Variants in FAT1 observed in about 807,000 individuals in gnomAD.
FAT1 encodes the protein protocadherin Fat 1.
Under a neutral mutation model 329.8 loss-of-function variants are expected in FAT1, and 171 were observed. The ratio of observed to expected loss-of-function variants is 0.52; its 90% CI spans 0.46 to 0.59. FAT1 has a LOEUF of 0.59. Ranked by LOEUF, FAT1 falls within the 20% of genes least tolerant of loss-of-function variation. The pLI, the probability that FAT1 is intolerant of heterozygous loss-of-function variation, is 0.00. For synonymous variants in FAT1, 2,233 were observed against 2,228.6 expected (o/e 1.00, Z -0.06); for missense variants, 5,672 against 5,774.4 (o/e 0.98, Z 0.57).
At chr4:186,661,697 T>G (rs1257886445) in intron 3 of FAT1, among the ~76,000 whole-genome samples, 1 of 152,170 alleles carries the variant, frequency 6.6e-6, no homozygotes. Context: ...GTTAAGTGTT[T>G]CCCTGGGTTC....
chr4:186,661,958 G>C (rs1742192295), intron 3 of FAT1, among the ~76,000 whole-genome samples: 1 of 152,108 alleles, frequency 6.6e-6, no homozygotes, highest in Non-Finnish European at 1.5e-5. Flanking sequence ...TGTCAGAATT[G>C]AATGAGAGGA....
chr4:186,607,181 C>A (rs552668653), intron 16 of FAT1, among the ~76,000 whole-genome samples: 1 of 152,200 alleles, frequency 6.6e-6, no homozygotes, highest in East Asian at 1.9e-4. Flanking sequence ...ATCTTAGATA[C>A]ACCCATTATT....
In FAT1 at chr4:186,589,042, TG is replaced by T. The variant is rs762526769; in HGVS notation, c.13316del (p.Pro4439GlnfsTer48). On this transcript the variant is annotated frameshift_variant, in exon 27 of 27. Coordinates refer to ENST00000441802, the MANE Select transcript of FAT1 (RefSeq NM_005245.4). LOFTEE classifies it high-confidence loss of function. ...YDIESDFPPPPEDFPAADELP... is the reference protein window; with the variant it reads ...YDIESDFPPPXEDFPAADELP... ...GCTCATCAGCTGCGGGGAAGTCTTC[TG>T]GGGGTGGAGGAAAATCACTTTCGAT... is the stretch of plus-strand genomic sequence containing the variant. The T allele has an allele frequency of 1.4e-5, 22 of 1,613,738 alleles. No individual in the cohort carries two copies. The highest frequency in any genetic ancestry group is 1.8e-5 in the Non-Finnish European group (21 of 1,179,882).
At chr4:186,610,707 AAATTTATAT>A (rs1553988087) in intron 14 of FAT1, among the ~76,000 whole-genome samples, 1 of 65,244 alleles carries the variant, frequency 1.5e-5, no homozygotes, top group Non-Finnish European at 2.7e-5. Context: ...ATATAAATAT[AAATTTATAT>A]AATTTATATA....
At position 186,603,337 on chromosome 4, in the gene FAT1, A is replaced by G; in HGVS notation, c.11189T>C (p.Ile3730Thr). ...GCAGAGTTTCTGGAATACATTCAGT[A>G]TCCTAACTCCAATGATTTCCTCAAT... ...TDIEEIIGVRILNVFQKLCAG... is the reference protein window; with the variant it reads ...TDIEEIIGVRTLNVFQKLCAG... The change falls in exon 19 of 27, where the codon ATA (isoleucine) becomes ACA (threonine). Residue 3730 changes from isoleucine to threonine, a missense_variant. Ile to Thr is a moderately conservative substitution (Grantham distance 89). This residue lies in a region of FAT1 where 1,706 missense variants were observed against 1,859.1 expected (regional missense o/e 0.92). Coordinates refer to ENST00000441802, the MANE Select transcript of FAT1 (RefSeq NM_005245.4). 1 of 1,614,020 alleles carries G rather than the reference A, an allele frequency of 6.2e-7. No homozygotes were observed. The highest frequency in any genetic ancestry group is 8.5e-7 in the Non-Finnish European group (1 of 1,179,884).
At chr4:186,678,906 G>A (rs1410632305) in intron 2 of FAT1, among the ~76,000 whole-genome samples, 1 of 152,066 alleles carries the variant, frequency 6.6e-6, no homozygotes, top group East Asian at 1.9e-4. Context: ...TATGTTTACT[G>A]CAGCACTATT....
At position 186,706,960 on chromosome 4, in the gene FAT1, T is replaced by A; in HGVS notation, c.2868A>T (p.Leu956Phe). 1 of 1,614,012 alleles carries A rather than the reference T, an allele frequency of 6.2e-7. No individual in the cohort carries two copies. Among genetic ancestry groups the A allele is most frequent in the Non-Finnish European group, 8.5e-7 (1 of 1,179,888 alleles). Reference sequence around the variant, plus strand: ...TGTATCTCACCTGACCAGACTGACCTAAATCAGGATCGTGGGCTTCTAACC... The same window carrying A: ...TGTATCTCACCTGACCAGACTGACCAAAATCAGGATCGTGGGCTTCTAACC... Reference protein sequence around the residue: ...IMWLEAHDPDLGQSGQVRYSL... With the variant: ...IMWLEAHDPDFGQSGQVRYSL... Residue 956 changes from leucine to phenylalanine, a missense_variant, in exon 2 of 27, where the codon TTA becomes TTT. Transcript: ENST00000441802.
At chr4:186,722,412 T>G (rs1369581236) in intron 1 of FAT1, among the ~76,000 whole-genome samples, 1 of 152,202 alleles carries the variant, frequency 6.6e-6, no homozygotes, top group African/African-American at 2.4e-5. Context: ...ATGCCATGTT[T>G]AGCATCACTC....
intron 1 of FAT1, among the ~76,000 whole-genome samples, chr4:186,714,992 C>T (rs28654342): frequency 0.06 from 9,091 of 152,106 alleles, 323 homozygotes; most frequent in African/African-American, 0.076. Context: ...GCAGGAGAAT[C>T]GCGTGAACAA....
chr4:186,695,519 T>G (rs535919202), intron 2 of FAT1, among the ~76,000 whole-genome samples: 3 of 152,288 alleles, frequency 2.0e-5, no homozygotes, highest in African/African-American at 7.2e-5. Flanking sequence ...TAAAAGGGCT[T>G]TCTCAACAAT....
intron 20 of FAT1, among the ~76,000 whole-genome samples, chr4:186,602,466 A>G (rs73028948): frequency 0.028 from 4,292 of 152,322 alleles, 141 homozygotes; most frequent in African/African-American, 0.082. Context: ...TTGAATAAGT[A>G]CAGCCATGCT....
chr4:186,714,593 G>GA (rs967896877), intron 1 of FAT1, among the ~76,000 whole-genome samples: 29 of 150,084 alleles, frequency 1.9e-4, no homozygotes, highest in Admixed American at 3.3e-4. Flanking sequence ...GCAGGCAGAA[G>GA]AAAAAAAAAA....
intron 26 of FAT1, among the ~76,000 whole-genome samples, chr4:186,591,907 T>C (rs1002545844): frequency 6.6e-6 from 1 of 152,190 alleles, no homozygotes; most frequent in Non-Finnish European, 1.5e-5. Flanking sequence ...CGATGGCCTC[T>C]GTAAGCAGTT....
intron 16 of FAT1, among the ~76,000 whole-genome samples, chr4:186,607,082 G>C (rs1739178828): frequency 6.6e-6 from 1 of 152,186 alleles, no homozygotes; most frequent in African/African-American, 2.4e-5. Flanking sequence ...CAAATCCTTA[G>C]AAAGTCCCTT....
chr4:186,673,474 T>C (rs1393793987), intron 2 of FAT1, among the ~76,000 whole-genome samples: 4 of 152,232 alleles, frequency 2.6e-5, no homozygotes, highest in Non-Finnish European at 5.9e-5. Flanking sequence ...TGTAGGTAAC[T>C]ACTTACACAA....
chr4:186,669,363 C>T (rs2126629537), intron 2 of FAT1, among the ~76,000 whole-genome samples: 1 of 152,334 alleles, frequency 6.6e-6, no homozygotes, highest in African/African-American at 2.4e-5. Context: ...GGTCGTGATG[C>T]TGCTGCGTGA....
chr4:186,665,113 T>A (rs1252336356), intron 2 of FAT1, among the ~76,000 whole-genome samples: 1 of 152,202 alleles, frequency 6.6e-6, no homozygotes, highest in East Asian at 1.9e-4. Flanking sequence ...ATAAAATGAA[T>A]CTTTATTGCC....
rs568999940 is a variant in FAT1 at position 186,626,653 on chromosome 4, A to C, written c.4810+1501T>G. ...GTGAGCTTCACCAGCCCACAGAATG[A>C]ATGAATGAATGAATGAGGGACCAAC... On this transcript the variant is annotated intron_variant, in intron 9 of 26. Coordinates refer to ENST00000441802, the MANE Select transcript of FAT1 (RefSeq NM_005245.4). Among the ~76,000 whole-genome samples, 301 of 134,916 alleles carry C rather than the reference A, an allele frequency of 2.2e-3. 1 individual carries two copies. Among genetic ancestry groups the C allele is most frequent in the African/African-American group, 8.4e-3 (289 of 34,406 alleles). The allele number at this position is 134,916 out of a possible 152,430, so 88.5% of individuals were successfully genotyped here. A position where few individuals can be genotyped will look rare whatever the true frequency, so the allele number is the denominator to read the frequency against.
intron 9 of FAT1, 92 bp downstream of exon 9, chr4:186,628,062 A>G: frequency 7.4e-7 from 1 of 1,358,934 alleles, no homozygotes; most frequent in Non-Finnish European, 1.0e-6. Flanking sequence ...GATACATAGA[A>G]ATGCTTCAAT....
Sources: allele counts gnomAD v4.1 joint callset (sites outside exome capture counted in the v4.1 genomes callset), GRCh38; gene constraint gnomAD v4.1.1; regional missense constraint gnomAD v4.1.1; transcripts MANE v1.5; gene names NCBI Gene and HGNC (gene_info 2026-07-23, HGNC 2026-07-21).